STAM2: variants seen among roughly 807,000 people sequenced by gnomAD.
The protein encoded by STAM2 is signal transducing adapter molecule 2.
A neutral mutation model predicts 65.6 loss-of-function variants in STAM2; 51 were observed. That is an observed-to-expected ratio of 0.78 (90% confidence interval 0.62 to 0.98). The LOEUF (loss-of-function observed/expected upper bound fraction) is 0.98. Ranked by LOEUF, STAM2 falls within the 50% of genes least tolerant of loss-of-function variation. The pLI is 0.00. For missense variants in STAM2, 584 were observed against 617.8 expected (o/e 0.95, Z 0.58); for synonymous variants, 198 against 208.4 (o/e 0.95, Z 0.43).
intron 11 of STAM2, among the ~76,000 whole-genome samples, chr2:152,128,572 C>T (rs1165431790): frequency 6.6e-6 from 1 of 152,162 alleles, no homozygotes; most frequent in South Asian, 2.1e-4. Context: ...AAGACATGAT[C>T]ACTGTGTTTG....
rs2105545537 is a variant in STAM2 at position 152,144,068 on chromosome 2, CATT to C, written c.518-58_518-56del. 7 of 1,288,306 alleles carry C rather than the reference CATT, an allele frequency of 5.4e-6. No individual in the cohort carries two copies. In the East Asian group the frequency reaches 1.3e-4, roughly 24 times the overall value. 79.8% of individuals were successfully genotyped at this position (1,288,306 alleles called of 1,614,324 possible). A position where few individuals can be genotyped will look rare whatever the true frequency, so the allele number is the denominator to read the frequency against. On this transcript the variant is annotated intron_variant, in intron 6 of 13. Transcript: ENST00000263904. ...CTGGAATTAATTTTGATAAAATAAA[CATT>C]AGATGACAATGTAAAATTTAATAAG...
intron 1 of STAM2, among the ~76,000 whole-genome samples, chr2:152,173,643 C>A (rs1224040560): frequency 6.6e-6 from 1 of 152,032 alleles, no homozygotes; most frequent in African/African-American, 2.4e-5. Flanking sequence ...GTGATTTACC[C>A]GCCTCGGCCT....
chr2:152,154,613 G>T lies in STAM2; in HGVS notation c.41-4384C>A, dbSNP rs1366987745. 6.2e-5 allele frequency among the ~76,000 whole-genome samples: 9 copies of T among 144,878 alleles called. No individual in the cohort carries two copies. The Admixed American group carries it at 6.5e-4, about 10-fold the overall frequency. On this transcript the variant is annotated intron_variant, in intron 1 of 13. Coordinates refer to ENST00000263904, the MANE Select transcript of STAM2 (RefSeq NM_005843.6). ...AACGTGGACAACAGAGTGAGCCCCT[G>T]TCTCTACAAAACAAAACAAAACAAA...
chr2:152,121,447 A>G lies in STAM2; in HGVS notation c.1350-645T>C, dbSNP rs542300400. Reference sequence around the variant, plus strand: ...GACAGAAGTACCCTTGGCCATTTGCAATGAGAATGGAGCCCTGGCTCAAGA... The same window carrying G: ...GACAGAAGTACCCTTGGCCATTTGCGATGAGAATGGAGCCCTGGCTCAAGA... On this transcript the variant is annotated intron_variant, in intron 13 of 13. Transcript: ENST00000263904. Among the ~76,000 whole-genome samples, 67 of 152,320 alleles carry G rather than the reference A, an allele frequency of 4.4e-4. No homozygotes were observed. The South Asian group carries it at 0.014, about 31-fold the overall frequency.
chr2:152,143,685 C>T (rs1028328863), intron 7 of STAM2, 142 bp downstream of exon 7: 3 of 530,878 alleles, frequency 5.7e-6, no homozygotes, highest in African/African-American at 3.9e-5. Flanking sequence ...ACATTACATG[C>T]CTAACTTTTA....
At chr2:152,140,589 T>C (rs1689228120) in intron 7 of STAM2, among the ~76,000 whole-genome samples, 1 of 152,182 alleles carries the variant, frequency 6.6e-6, no homozygotes, top group Non-Finnish European at 1.5e-5. Flanking sequence ...GGTAACCTTG[T>C]GGGGGTCTTT....
rs550768048 is a variant in STAM2, at chr2:152,137,124, G to A, written c.705-1521C>T. Among the ~76,000 whole-genome samples, 5 of 152,100 alleles carry A rather than the reference G, an allele frequency of 3.3e-5. No homozygotes were observed. The South Asian group carries it at 1.0e-3, about 32-fold the overall frequency. On this transcript the variant is annotated intron_variant, in intron 7 of 13. Transcript: ENST00000263904. ...AGGCTGGTCTCAAACTTTATCTTAA[G>A]TGATCCGCCTGCCTCAGCCTCCCAA...
chr2:152,120,588 G>A lies in STAM2; in HGVS notation c.1564C>T (p.Gln522Ter). Residue 522 changes from glutamine to a stop codon, truncating the protein, a stop_gained, in exon 14 of 14, where the codon CAG becomes TAG. Coordinates refer to ENST00000263904, the MANE Select transcript of STAM2 (RefSeq NM_005843.6). LOFTEE classifies it high-confidence loss of function. The stretch of plus-strand genomic sequence containing the variant: ...TTGATTTGTTTCTAAAGGAGAGGCT[G>A]CTGATGGTAATTTGTGTGCTGCTGT... ...VAQQHTNYHQ[Q>*]PLL The A allele has an allele frequency of 6.2e-7, 1 of 1,614,034 alleles. No individual in the cohort carries two copies. The highest frequency in any genetic ancestry group is 8.5e-7 in the Non-Finnish European group (1 of 1,179,938).
intron 7 of STAM2, among the ~76,000 whole-genome samples, chr2:152,139,100 T>C (rs1689202589): frequency 6.6e-6 from 1 of 152,164 alleles, no homozygotes; most frequent in Non-Finnish European, 1.5e-5. Context: ...GGAATGTTGA[T>C]AGCAAAAAAA....
intron 6 of STAM2, chr2:152,144,609 G>A (rs1689306042): frequency 7.2e-6 from 2 of 279,594 alleles, no homozygotes; most frequent in Non-Finnish European, 1.4e-5. Context: ...TGCCATCTTG[G>A]CTCACTGCAA....
intron 7 of STAM2, among the ~76,000 whole-genome samples, chr2:152,141,942 CAAGGGA>C (rs1409349238): frequency 9.5e-4 from 145 of 152,236 alleles, no homozygotes; most frequent in East Asian, 9.3e-3. Context: ...CAAGGGACTT[CAAGGGA>C]CTTCTGTGTG....
chr2:152,138,528 G>T (rs1035120814), intron 7 of STAM2, among the ~76,000 whole-genome samples: 12 of 152,080 alleles, frequency 7.9e-5, no homozygotes, highest in African/African-American at 2.9e-4. Context: ...ATAGTATCTG[G>T]AAATAATGAT....
intron 1 of STAM2, among the ~76,000 whole-genome samples, chr2:152,171,331 A>G (rs966435770): frequency 1.3e-5 from 2 of 152,184 alleles, no homozygotes; most frequent in Non-Finnish European, 2.9e-5. Flanking sequence ...AATATTTCAT[A>G]GTTTAAAAAG....
chr2:152,120,303 T>A lies in STAM2; in HGVS notation c.*271A>T, dbSNP rs952712084. The A allele has an allele frequency of 6.8e-6, 3 of 443,818 alleles. No individual in the cohort carries two copies. The highest frequency in any genetic ancestry group is 8.2e-6 in the Non-Finnish European group (2 of 245,344). 27.5% of individuals were successfully genotyped at this position (443,818 alleles called of 1,614,324 possible). A position where few individuals can be genotyped will look rare whatever the true frequency, so the allele number is the denominator to read the frequency against. Reference sequence around the variant, plus strand: ...AAGGCTACTTAATGAGTATCTAGATTTATGTAGAGAAATCTGAAAGTAAGA... The same window carrying A: ...AAGGCTACTTAATGAGTATCTAGATATATGTAGAGAAATCTGAAAGTAAGA... On this transcript the variant is annotated 3_prime_UTR_variant, in exon 14 of 14. Coordinates refer to ENST00000263904, the MANE Select transcript of STAM2 (RefSeq NM_005843.6).
At chr2:152,145,607 G>A (rs79990865) in intron 5 of STAM2, among the ~76,000 whole-genome samples, 1 of 152,334 alleles carries the variant, frequency 6.6e-6, no homozygotes, top group Non-Finnish European at 1.5e-5. Flanking sequence ...AGTGAGAGGA[G>A]CTCTGCTATA....
Position 152,175,664 on chromosome 2 carries a change from G to A in STAM2, c.-22C>T, listed in dbSNP as rs750949046. On this transcript the variant is annotated 5_prime_UTR_variant, in exon 1 of 14. Transcript: ENST00000263904. ...GCATCTCGCCGGCGCCCGAGCCCTA[G>A]TCGCTGCTGTCTAGCTGACACTCAG... 4 of 1,604,876 alleles carry A rather than the reference G, an allele frequency of 2.5e-6. No homozygotes were observed. The highest frequency in any genetic ancestry group is 4.5e-5 in the East Asian group (2 of 44,346).
At chr2:152,151,928 T>G (rs1423757964) in intron 1 of STAM2, among the ~76,000 whole-genome samples, 5 of 152,054 alleles carry the variant, frequency 3.3e-5, no homozygotes, top group African/African-American at 1.2e-4. Context: ...AACATCTGGG[T>G]TGGTTGGTTG....
chr2:152,168,870 T>C (rs1689846225), intron 1 of STAM2, among the ~76,000 whole-genome samples: 1 of 152,236 alleles, frequency 6.6e-6, no homozygotes, highest in Non-Finnish European at 1.5e-5. Flanking sequence ...TATTGTCTAT[T>C]GTCAACTGGT....
intron 1 of STAM2, among the ~76,000 whole-genome samples, chr2:152,169,275 C>A (rs539028115): frequency 6.6e-6 from 1 of 152,130 alleles, no homozygotes; most frequent in South Asian, 2.1e-4. Flanking sequence ...TTTTTGGTTT[C>A]GTTTTTTTGT....
Sources: allele counts gnomAD v4.1 joint callset (sites outside exome capture counted in the v4.1 genomes callset), GRCh38; gene constraint gnomAD v4.1.1; transcripts MANE v1.5; gene names NCBI Gene and HGNC (gene_info 2026-07-23, HGNC 2026-07-21).